The following SLCO6A1 variants were observed in gnomAD, a reference collection of about 807,000 sequenced individuals.
The protein encoded by SLCO6A1 is solute carrier organic anion transporter family member 6A1.
SLCO6A1 carries 65 observed loss-of-function variants against 72.7 expected under a neutral mutation model. That is an observed-to-expected ratio of 0.89 (90% CI 0.73 to 1.10). SLCO6A1 has a LOEUF of 1.10. SLCO6A1 is among the 50% of genes least tolerant of loss of function. SLCO6A1 has a pLI of 0.00. For synonymous variants in SLCO6A1, 314 were observed against 298.2 expected, an observed-to-expected ratio of 1.05 and a Z score of -0.55; for missense variants, 874 against 872.6, an observed-to-expected ratio of 1.00 and a Z score of -0.02.
intron 12 of SLCO6A1, among the ~76,000 whole-genome samples, chr5:102,386,158 C>T (rs894037825): frequency 1.3e-5 from 2 of 152,090 alleles, no homozygotes; most frequent in East Asian, 3.9e-4. Context: ...GATGGGCTGG[C>T]CTGATTCATG....
chr5:102,399,289 T>C (rs1481668245), intron 10 of SLCO6A1, among the ~76,000 whole-genome samples: 3 of 152,038 alleles, frequency 2.0e-5, no homozygotes, highest in Non-Finnish European at 4.4e-5. Context: ...TTTCCTATAT[T>C]TATAATGTTT....
chr5:102,382,097 T>C (rs1198105895), intron 12 of SLCO6A1, among the ~76,000 whole-genome samples: 1 of 144,266 alleles, frequency 6.9e-6, no homozygotes, highest in East Asian at 1.9e-4. Context: ...TATTGTCTAT[T>C]TTTGCTTTTG....
chr5:102,402,449 G>A (rs1580359809), intron 9 of SLCO6A1, among the ~76,000 whole-genome samples: 1 of 152,112 alleles, frequency 6.6e-6, no homozygotes, highest in South Asian at 2.1e-4. Context: ...AAAAAGTAAA[G>A]GGAAAATGGT....
chr5:102,388,617 C>G (rs949239048), intron 12 of SLCO6A1, 71 bp downstream of exon 12: 52 of 1,124,254 alleles, frequency 4.6e-5, no homozygotes, highest in Non-Finnish European at 6.1e-5. Context: ...TATAATTCTA[C>G]ATTACTATTA....
At chr5:102,397,985 T>C (rs1011917586) in intron 10 of SLCO6A1, among the ~76,000 whole-genome samples, 1 of 152,172 alleles carries the variant, frequency 6.6e-6, no homozygotes, top group Admixed American at 6.5e-5. Flanking sequence ...GCTGGAAACA[T>C]TGAATGTTTC....
intron 12 of SLCO6A1, among the ~76,000 whole-genome samples, chr5:102,382,693 C>T (rs1746175669): frequency 6.6e-6 from 1 of 151,436 alleles, no homozygotes; most frequent in Admixed American, 6.6e-5. Context: ...ACATACAGAT[C>T]TTTTACCTCC....
At chr5:102,490,333 T>G (rs112785574) in intron 1 of SLCO6A1, among the ~76,000 whole-genome samples, 6 of 152,224 alleles carry the variant, frequency 3.9e-5, no homozygotes, top group African/African-American at 1.4e-4. Flanking sequence ...AATATAAACA[T>G]AAATTGAAAT....
chr5:102,388,698 C>G lies in SLCO6A1; in HGVS notation c.2007G>C (p.Leu669Phe). The change falls in exon 12 of 14, where the codon TTG becomes TTC. Residue 669 changes from leucine (L) to phenylalanine (F), a missense_variant. By Grantham distance (22) the Leu-to-Phe change is conservative. Transcript: ENST00000506729. The stretch of plus-strand genomic sequence containing the variant: ...ATAAGTATCACTTACATATTCCTAC[C>G]AATAAGAAAGCCATTTTTGTCTTGT... ...IYNKTKMAFL[L>F]VGICFLCKLC... 2 of 1,575,308 alleles carry G rather than the reference C, an allele frequency of 1.3e-6. No individual in the cohort carries two copies. Among genetic ancestry groups the G allele is most frequent in the Non-Finnish European group, 1.7e-6 (2 of 1,164,202 alleles).
chr5:102,467,421 A>T (rs2134455), intron 4 of SLCO6A1, among the ~76,000 whole-genome samples: 95,818 of 151,706 alleles, frequency 0.63, 30,437 homozygotes, highest in Non-Finnish European at 0.64. Context: ...AAAAAAAAAA[A>T]TAACAAAACT....
At chr5:102,452,451 T>C (rs2400798) in intron 6 of SLCO6A1, among the ~76,000 whole-genome samples, 96,829 of 152,000 alleles carry the variant, frequency 0.64, 31,034 homozygotes, top group African/African-American at 0.66. Context: ...CTACCTTCTG[T>C]TCTAAAAGTC....
chr5:102,372,880 C>T (rs1580305234), intron 13 of SLCO6A1, among the ~76,000 whole-genome samples: 1 of 151,682 alleles, frequency 6.6e-6, no homozygotes, highest in East Asian at 1.9e-4. Context: ...TTAAAATAGT[C>T]CTTTTTGGAA....
chr5:102,473,286 G>A (rs1469472883), intron 4 of SLCO6A1, among the ~76,000 whole-genome samples: 1 of 151,888 alleles, frequency 6.6e-6, no homozygotes, highest in Non-Finnish European at 1.5e-5. Flanking sequence ...TAATCAAGTG[G>A]GATTTGTTTC....
chr5:102,382,950 G>A (rs1561414592), intron 12 of SLCO6A1, among the ~76,000 whole-genome samples: 1 of 139,054 alleles, frequency 7.2e-6, no homozygotes, highest in Non-Finnish European at 1.5e-5. Flanking sequence ...GTATATATAT[G>A]AGAGATATAT....
At position 102,438,598 on chromosome 5, in the gene SLCO6A1, A is replaced by G; in HGVS notation, c.1276+19T>C. 6.3e-7 allele frequency: 1 copy of G among 1,577,010 alleles called. No individual in the cohort carries two copies. Among genetic ancestry groups the G allele is most frequent in the Non-Finnish European group, 8.6e-7 (1 of 1,167,972 alleles). ...GACAGTGCAAAATTTTTGAAATGAC[A>G]ATAAGAAGGTAAATCTACCTGCAAG... On this transcript the variant is annotated intron_variant, in intron 7 of 13. Transcript: ENST00000506729.
intron 1 of SLCO6A1, among the ~76,000 whole-genome samples, chr5:102,493,155 C>CA (rs754042201): frequency 6.7e-5 from 8 of 120,058 alleles, no homozygotes; most frequent in Non-Finnish European, 1.1e-4. Flanking sequence ...AAAAACATCC[C>CA]AATTAATTTA....
chr5:102,436,112 C>T (rs1214574966), intron 7 of SLCO6A1, among the ~76,000 whole-genome samples: 1 of 152,190 alleles, frequency 6.6e-6, no homozygotes, highest in Non-Finnish European at 1.5e-5. Flanking sequence ...TTAAAAACCA[C>T]AAATATACCT....
At chr5:102,416,295 T>A (rs1470036595) in intron 8 of SLCO6A1, among the ~76,000 whole-genome samples, 1 of 151,910 alleles carries the variant, frequency 6.6e-6, no homozygotes, top group Non-Finnish European at 1.5e-5. Context: ...AGATAAGAAA[T>A]CATCCTAAAT....
intron 10 of SLCO6A1, among the ~76,000 whole-genome samples, chr5:102,397,350 A>C (rs1023056457): frequency 6.6e-6 from 1 of 152,162 alleles, no homozygotes; most frequent in African/African-American, 2.4e-5. Context: ...CCTATAGGTT[A>C]TCTCTTCTAT....
intron 7 of SLCO6A1, among the ~76,000 whole-genome samples, chr5:102,436,572 C>G (rs2112672762): frequency 6.6e-6 from 1 of 152,200 alleles, no homozygotes; most frequent in East Asian, 1.9e-4. Context: ...AATTCGCAAA[C>G]CTACATTGAA....
Sources: gnomAD v4.1 joint callset for allele counts (sites outside exome capture counted in the v4.1 genomes callset) on GRCh38, gnomAD v4.1.1 for gene constraint, MANE v1.5 for transcripts, NCBI Gene and HGNC (gene_info 2026-07-23, HGNC 2026-07-21) for gene names.